Variants in ATP6V1C2 observed in about 807,000 individuals in gnomAD.
ATP6V1C2 encodes ATPase H+ transporting V1 subunit C2, also known as V-type proton ATPase subunit C 2.
In ATP6V1C2, 45 loss-of-function variants were observed where a neutral mutation model predicts 56.8. That is an observed-to-expected ratio of 0.79 (90% CI 0.62 to 1.02). The LOEUF is 1.02. ATP6V1C2 is among the 50% of genes least tolerant of loss of function. ATP6V1C2 has a pLI of 0.00. For synonymous variants in ATP6V1C2, 220 were observed against 201.3 expected (o/e 1.09, Z -0.79); for missense variants, 463 against 519.7 (o/e 0.89, Z 1.06).
At position 10,784,990 on chromosome 2, in the gene ATP6V1C2, C is replaced by G. The variant is rs147031503; in HGVS notation, c.*1727C>G. 8 of 1,588,846 alleles carry G rather than the reference C, an allele frequency of 5.0e-6. No individual in the cohort carries two copies. The African/African-American group carries it at 1.1e-4, about 21-fold the overall frequency. On this transcript the variant is annotated 3_prime_UTR_variant, in exon 14 of 14. Transcript: ENST00000272238. ...TCAACGATGGTAGGGAAAGCCCCGC[C>G]TCCTACAGGTGCCGTGGAGCCACGC...
chr2:10,754,552 CTT>C (rs1448285108), intron 4 of ATP6V1C2, among the ~76,000 whole-genome samples: 1 of 406 alleles, frequency 2.5e-3, no homozygotes, highest in Non-Finnish European at 7.7e-3. Flanking sequence ...ATTTTCTTTT[CTT>C]TTCTTTTCTT....
At chr2:10,739,626 C>T (rs115378331) in intron 3 of ATP6V1C2, among the ~76,000 whole-genome samples, 1,639 of 152,306 alleles carry the variant, frequency 0.011, 30 homozygotes, top group African/African-American at 0.036. Flanking sequence ...GACTACCAGC[C>T]AGCCCGGTCC....
chr2:10,782,195 T>A, intron 12 of ATP6V1C2, 48 bp from the exon 13 acceptor site: 1 of 1,608,162 alleles, frequency 6.2e-7, no homozygotes, highest in Non-Finnish European at 8.5e-7. Flanking sequence ...CTTCTATCCG[T>A]GTTTGCATTT....
At chr2:10,781,572 G>C (rs1009643592) in intron 12 of ATP6V1C2, among the ~76,000 whole-genome samples, 1 of 152,170 alleles carries the variant, frequency 6.6e-6, no homozygotes, top group African/African-American at 2.4e-5. Flanking sequence ...CAGAGTACTA[G>C]GTGAGTGGAA....
At chr2:10,767,470 T>A (rs543440749) in intron 5 of ATP6V1C2, among the ~76,000 whole-genome samples, 1 of 151,770 alleles carries the variant, frequency 6.6e-6, no homozygotes, top group East Asian at 1.9e-4. Flanking sequence ...TATTATATAT[T>A]TTTTTGAGAC....
Position 10,784,629 on chromosome 2 carries a change from A to G in ATP6V1C2, c.*1366A>G. On this transcript the variant is annotated 3_prime_UTR_variant, in exon 14 of 14. Transcript: ENST00000272238. Reference sequence around the variant, plus strand: ...AATAAGTGCTAATTTCAAAGCTATCATTTTCTATTTTTCTAAGATAAAGTA... The same window carrying G: ...AATAAGTGCTAATTTCAAAGCTATCGTTTTCTATTTTTCTAAGATAAAGTA... 1 of 501,706 alleles carries G rather than the reference A, an allele frequency of 2.0e-6. No homozygotes were observed. Among genetic ancestry groups the G allele is most frequent in the East Asian group, 3.3e-5 (1 of 30,598 alleles). 31.1% of individuals were successfully genotyped at this position (501,706 alleles called of 1,614,324 possible).
chr2:10,750,562 G>C (rs1663152387), intron 3 of ATP6V1C2, among the ~76,000 whole-genome samples: 1 of 151,936 alleles, frequency 6.6e-6, no homozygotes, highest in Non-Finnish European at 1.5e-5. Flanking sequence ...CTTCACAGAG[G>C]CTAGGACAAG....
At chr2:10,743,736 G>A (rs1019858196) in intron 3 of ATP6V1C2, among the ~76,000 whole-genome samples, 5 of 151,820 alleles carry the variant, frequency 3.3e-5, no homozygotes, top group Admixed American at 1.3e-4. Flanking sequence ...TGTAATCCCA[G>A]CACTTTGGGA....
chr2:10,752,338 C>T (rs1238799400), intron 3 of ATP6V1C2, among the ~76,000 whole-genome samples: 3 of 152,118 alleles, frequency 2.0e-5, no homozygotes, highest in Non-Finnish European at 4.4e-5. Context: ...GTGTTGGGCC[C>T]TAGGCCTCTG....
intron 3 of ATP6V1C2, among the ~76,000 whole-genome samples, chr2:10,738,635 C>T (rs900846018): frequency 3.0e-4 from 45 of 152,252 alleles, no homozygotes; most frequent in African/African-American, 1.0e-3. Context: ...GCCATTTGGA[C>T]GTTCCTTATT....
At chr2:10,747,493 T>C (rs1362274294) in intron 3 of ATP6V1C2, among the ~76,000 whole-genome samples, 3 of 152,202 alleles carry the variant, frequency 2.0e-5, no homozygotes, top group Non-Finnish European at 4.4e-5. Context: ...TTTAGTATGA[T>C]GATCAAAATC....
rs1572612313 is a variant in ATP6V1C2 at position 10,775,237 on chromosome 2, G to A, written c.825+166G>A. 2.0e-5 allele frequency among the ~76,000 whole-genome samples: 3 copies of A among 152,330 alleles called. 1 individual carries two copies. The highest frequency in any genetic ancestry group is 1.3e-4 in the Admixed American group (2 of 15,308). On this transcript the variant is annotated intron_variant, in intron 10 of 13. Transcript: ENST00000272238. ...CATGGGACGCCTGAGCAGGGTCTGG[G>A]GGGAGGGGCGGTGAGCACAAAGGAG...
chr2:10,761,416 C>T (rs886249029), intron 4 of ATP6V1C2, among the ~76,000 whole-genome samples: 1 of 152,012 alleles, frequency 6.6e-6, no homozygotes, highest in Non-Finnish European at 1.5e-5. Context: ...AGGAGGAGTC[C>T]CCGCCATCCT....
In ATP6V1C2 at chr2:10,784,487, C is replaced by G; in HGVS notation, c.*1224C>G. The G allele has an allele frequency of 1.8e-6, 1 of 565,254 alleles. No homozygotes were observed. Among genetic ancestry groups the G allele is most frequent in the Non-Finnish European group, 3.1e-6 (1 of 323,562 alleles). The allele number at this position is 565,254 out of a possible 1,614,324, so 35.0% of individuals were successfully genotyped here. A position where few individuals can be genotyped will look rare whatever the true frequency, so the allele number is the denominator to read the frequency against. On this transcript the variant is annotated 3_prime_UTR_variant, in exon 14 of 14. Transcript: ENST00000272238. ...CCTGACCTTCGTACCTATGATTATA[C>G]GGATGGAAAAGCTCAGAACTCAGGT...
rs138309574 is a variant in ATP6V1C2 at position 10,750,494 on chromosome 2, C to T, written c.198-3487C>T. Among the ~76,000 whole-genome samples, 697 of 149,982 alleles carry T rather than the reference C, an allele frequency of 4.6e-3. 7 individuals carry two copies. The highest frequency in any genetic ancestry group is 0.016 in the African/African-American group (656 of 40,704). On this transcript the variant is annotated intron_variant, in intron 3 of 13. Coordinates refer to ENST00000272238, the MANE Select transcript of ATP6V1C2 (RefSeq NM_001039362.2). ...TAGCACCACTGCACTCCAGCCTGGGCGACAGGGTGAGACCCTGTCTCAAAA... is the reference window on the plus strand; with the variant it reads ...TAGCACCACTGCACTCCAGCCTGGGTGACAGGGTGAGACCCTGTCTCAAAA...
chr2:10,722,612 C>T (rs1346621629), intron 1 of ATP6V1C2, among the ~76,000 whole-genome samples: 2 of 152,148 alleles, frequency 1.3e-5, no homozygotes, highest in Non-Finnish European at 2.9e-5. Context: ...TGAAAACCAG[C>T]CAGAACCACT....
At chr2:10,739,613 C>T (rs990269217) in intron 3 of ATP6V1C2, among the ~76,000 whole-genome samples, 4 of 152,160 alleles carry the variant, frequency 2.6e-5, no homozygotes, top group Non-Finnish European at 5.9e-5. Flanking sequence ...GAAGACTTCT[C>T]CAGACTACCA....
At chr2:10,772,836 G>GGCTGCCCTGGCCCCAC (rs11270815) in intron 8 of ATP6V1C2, among the ~76,000 whole-genome samples, 84,640 of 151,764 alleles carry the variant, frequency 0.56, 24,238 homozygotes, top group Non-Finnish European at 0.64. Flanking sequence ...GCCCTGGGAA[G>GGCTGCCCTGGCCCCAC]GCTGCCCTGG....
intron 5 of ATP6V1C2, among the ~76,000 whole-genome samples, chr2:10,765,494 C>T (rs1447834586): frequency 1.3e-5 from 2 of 152,242 alleles, no homozygotes; most frequent in East Asian, 1.9e-4. Context: ...GGCCAAGGGT[C>T]AGAGTGGAGC....
Sources: allele counts gnomAD v4.1 joint callset (sites outside exome capture counted in the v4.1 genomes callset), GRCh38; gene constraint gnomAD v4.1.1; transcripts MANE v1.5; gene names NCBI Gene and HGNC (gene_info 2026-07-23, HGNC 2026-07-21).